The following PCDHGA12 variants were observed in gnomAD, a reference collection of about 807,000 sequenced individuals.
The protein encoded by PCDHGA12 is protocadherin gamma-A12.
In PCDHGA12, 43 loss-of-function variants were observed where a neutral mutation model predicts 61.1. The ratio of observed to expected loss-of-function variants is 0.70; its 90% confidence interval spans 0.55 to 0.91. The LOEUF is 0.91. Among genes scored for constraint, PCDHGA12 ranks in the 40% least tolerant of loss-of-function variants. The pLI is 0.00. For synonymous variants in PCDHGA12, 520 were observed against 542.9 expected (o/e 0.96, Z 0.59); for missense variants, 1,236 against 1,227.7 (o/e 1.01, Z -0.10).
rs1467738404 is a variant in PCDHGA12 at position 141,430,698 on chromosome 5, G to A, written c.-62G>A. On this transcript the variant is annotated 5_prime_UTR_variant, in exon 1 of 4. Coordinates refer to ENST00000252085, the MANE Select transcript of PCDHGA12 (RefSeq NM_003735.3). The stretch of plus-strand genomic sequence containing the variant: ...CAACTGTCCCATTCTATGGGCGAAG[G>A]AACTGCTCCTGACTTCAGTGGTTAA... 4.1e-6 allele frequency: 6 copies of A among 1,451,686 alleles called. No homozygotes were observed. The South Asian group carries it at 7.8e-5, about 19-fold the overall frequency. The allele number at this position is 1,451,686 out of a possible 1,614,324, so 89.9% of individuals were successfully genotyped here.
intron 1 of PCDHGA12, among the ~76,000 whole-genome samples, chr5:141,445,447 A>G (rs974383838): frequency 3.4e-4 from 51 of 152,222 alleles, no homozygotes; most frequent in Admixed American, 1.3e-3. Flanking sequence ...TGGACTAAGG[A>G]TGCAGCAATG....
chr5:141,456,701 G>A lies in PCDHGA12; in HGVS notation c.2424+23518G>A, dbSNP rs370086323. ...CATTACTGGCCAGGCGTGGTGGCTC[G>A]CGCCTGTAATCCCAGCACTTTGGGA... On this transcript the variant is annotated intron_variant, in intron 1 of 3. Transcript: ENST00000252085. 2.3e-4 allele frequency among the ~76,000 whole-genome samples: 35 copies of A among 152,106 alleles called. No homozygotes were observed. The South Asian group carries it at 4.8e-3, about 21-fold the overall frequency.
At chr5:141,441,855 G>A in intron 1 of PCDHGA12, 3 of 351,872 alleles carry the variant, frequency 8.5e-6, no homozygotes, top group Admixed American at 4.0e-5. Flanking sequence ...ATATGGTGCT[G>A]CACGCCGCGG....
intron 1 of PCDHGA12, among the ~76,000 whole-genome samples, chr5:141,474,770 G>A (rs1221980722): frequency 6.6e-6 from 1 of 152,204 alleles, no homozygotes; most frequent in African/African-American, 2.4e-5. Context: ...GAAATAGTAT[G>A]AGGCTCTAAC....
intron 1 of PCDHGA12, chr5:141,440,348 C>G (rs2098169693): frequency 6.6e-6 from 1 of 152,190 alleles, no homozygotes; most frequent in South Asian, 2.1e-4. Flanking sequence ...GGCCTATAAT[C>G]CTAGCTACTC....
At chr5:141,438,875 A>G (rs2098071820) in intron 1 of PCDHGA12, among the ~76,000 whole-genome samples, 1 of 151,738 alleles carries the variant, frequency 6.6e-6, no homozygotes. Flanking sequence ...CAAGTTGGCC[A>G]GGCTGCTCTT....
chr5:141,476,236 AAG>A lies in PCDHGA12; in HGVS notation c.2425-18565_2425-18564del. ...TCATTCACTATGAGATCCCGGAGGA[AAG>A]AGAGAAGGGTTTCGCTGTGGGCAAC... is the stretch of plus-strand genomic sequence containing the variant. On this transcript the variant is annotated intron_variant, in intron 1 of 3. Transcript: ENST00000252085. The surrounding 1 kb of genome is among the most constrained non-coding windows in gnomAD (Gnocchi z 7.6). 2.5e-6 allele frequency: 4 copies of A among 1,613,980 alleles called. No individual in the cohort carries two copies. Among genetic ancestry groups the A allele is most frequent in the Non-Finnish European group, 3.4e-6 (4 of 1,180,004 alleles).
Position 141,511,617 on chromosome 5 carries a change from C to T in PCDHGA12, c.*444C>T, listed in dbSNP as rs1562253545. The T allele has an allele frequency of 4.3e-6, 1 of 233,232 alleles. No homozygotes were observed. Among genetic ancestry groups the T allele is most frequent in the African/African-American group, 2.2e-5 (1 of 45,220 alleles). The allele number at this position is 233,232 out of a possible 1,614,324, so 14.4% of individuals were successfully genotyped here. A position where few individuals can be genotyped will look rare whatever the true frequency, so the allele number is the denominator to read the frequency against. Reference sequence around the variant, plus strand: ...CAAGTAACCTACAAGCCTCCTAGTTCTGAAAAGTTGGAAGGGCATCATGAC... The same window carrying T: ...CAAGTAACCTACAAGCCTCCTAGTTTTGAAAAGTTGGAAGGGCATCATGAC... On this transcript the variant is annotated 3_prime_UTR_variant, in exon 4 of 4. Coordinates refer to ENST00000252085, the MANE Select transcript of PCDHGA12 (RefSeq NM_003735.3).
At chr5:141,465,812 T>A (rs533291720) in intron 1 of PCDHGA12, among the ~76,000 whole-genome samples, 1 of 152,082 alleles carries the variant, frequency 6.6e-6, no homozygotes, top group South Asian at 2.1e-4. Flanking sequence ...TTCAGGATCT[T>A]GATCACATTT....
At chr5:141,452,370 G>A (rs2098739834) in intron 1 of PCDHGA12, among the ~76,000 whole-genome samples, 1 of 152,136 alleles carries the variant, frequency 6.6e-6, no homozygotes, top group Non-Finnish European at 1.5e-5. Flanking sequence ...CTTCATTTTA[G>A]TAGGGAATAG....
At chr5:141,433,926 A>T (rs2154556019) in intron 1 of PCDHGA12, among the ~76,000 whole-genome samples, 1 of 151,830 alleles carries the variant, frequency 6.6e-6, no homozygotes, top group African/African-American at 2.4e-5. Context: ...CCAAATGAAG[A>T]TTTTATAATT....
At chr5:141,452,377 A>G (rs2098740152) in intron 1 of PCDHGA12, among the ~76,000 whole-genome samples, 1 of 152,222 alleles carries the variant, frequency 6.6e-6, no homozygotes, top group African/African-American at 2.4e-5. Flanking sequence ...TTAGTAGGGA[A>G]TAGTATTTAG....
In PCDHGA12 at chr5:141,432,670, G is replaced by C; in HGVS notation, c.1911G>C (p.Ala637=). The change falls in exon 1 of 4, where the codon GCG becomes GCC. Residue 637 remains alanine (A), a synonymous_variant. Transcript: ENST00000252085. The surrounding 1 kb of genome is among the most constrained non-coding windows in gnomAD (Gnocchi z 6.0). ...CGCGAGCCCTGCTGGACAGAGACGCGCTCAAGCAGAGCCTCGTAGTGGCCG... is the reference window on the plus strand; with the variant it reads ...CGCGAGCCCTGCTGGACAGAGACGCCCTCAAGCAGAGCCTCGTAGTGGCCG... ...RTARALLDRD[A]LKQSLVVAVQ... 1 of 1,613,868 alleles carries C rather than the reference G, an allele frequency of 6.2e-7. No homozygotes were observed. The highest frequency in any genetic ancestry group is 8.5e-7 in the Non-Finnish European group (1 of 1,179,940).
At chr5:141,441,831 C>T in intron 1 of PCDHGA12, 3 of 352,742 alleles carry the variant, frequency 8.5e-6, no homozygotes, top group South Asian at 7.2e-5. Context: ...AGCGCAATGG[C>T]TTCGCGCTCT....
chr5:141,478,520 G>A, intron 1 of PCDHGA12: 1 of 1,610,510 alleles, frequency 6.2e-7, no homozygotes, highest in Non-Finnish European at 8.5e-7. Context: ...GCAGGTGTTG[G>A]GTGCAGAGAG....
rs1000775080 is a variant in PCDHGA12 at position 141,487,567 on chromosome 5, G to C, written c.2425-7240G>C. 2 of 1,614,168 alleles carry C rather than the reference G, an allele frequency of 1.2e-6. No individual in the cohort carries two copies. The highest frequency in any genetic ancestry group is 1.7e-6 in the Non-Finnish European group (2 of 1,180,036). ...CACCCAGTGCACCTATGGCAGGGGA[G>C]CCTGTTCGCCCAAGCTGCCCACCCT... On this transcript the variant is annotated intron_variant, in intron 1 of 3. Coordinates refer to ENST00000252085, the MANE Select transcript of PCDHGA12 (RefSeq NM_003735.3). The surrounding 1 kb of genome is among the most constrained non-coding windows in gnomAD (Gnocchi z 5.0).
chr5:141,465,574 C>T (rs1477852984), intron 1 of PCDHGA12, among the ~76,000 whole-genome samples: 2 of 152,160 alleles, frequency 1.3e-5, no homozygotes, highest in Admixed American at 1.3e-4. Context: ...TTTCTCAAAA[C>T]ACTCTCATAA....
intron 1 of PCDHGA12, among the ~76,000 whole-genome samples, chr5:141,455,803 A>C (rs1197986124): frequency 2.6e-5 from 4 of 152,068 alleles, no homozygotes; most frequent in Non-Finnish European, 4.4e-5. Flanking sequence ...TGCTTTAAAA[A>C]ATGAAAACTT....
At chr5:141,438,548 C>T (rs1423036586) in intron 1 of PCDHGA12, among the ~76,000 whole-genome samples, 2 of 135,792 alleles carry the variant, frequency 1.5e-5, no homozygotes, top group Non-Finnish European at 3.1e-5. Context: ...ATATCTAAGC[C>T]CTAATAAGAG....
Sources: allele counts gnomAD v4.1 joint callset (sites outside exome capture counted in the v4.1 genomes callset), GRCh38; gene constraint gnomAD v4.1.1; non-coding constraint Gnocchi (gnomAD v3.1); transcripts MANE v1.5; gene names NCBI Gene and HGNC (gene_info 2026-07-23, HGNC 2026-07-21).